The following RBFOX3 variants were observed in gnomAD, a reference collection of about 807,000 sequenced individuals.
The protein encoded by RBFOX3 is RNA binding fox-1 homolog 3.
In RBFOX3, 17 loss-of-function variants were observed where a neutral mutation model predicts 48.7. The observed-to-expected ratio is 0.35, with a 90% CI of 0.24 to 0.52. RBFOX3 has a LOEUF of 0.52. RBFOX3 is among the 20% of genes least tolerant of loss of function. RBFOX3 has a pLI of 0.94. For missense variants in RBFOX3, 382 were observed against 497.5 expected (o/e 0.77, Z 2.21); for synonymous variants, 212 against 209.5 (o/e 1.01, Z -0.10).
chr17:79,219,528 T>C (rs1280981255), intron 4 of RBFOX3, among the ~76,000 whole-genome samples: 3 of 152,108 alleles, frequency 2.0e-5, no homozygotes, highest in Non-Finnish European at 1.5e-5. Context: ...CCTTCCTGCT[T>C]GGCCTCGCCT....
chr17:79,284,577 C>T (rs1168258557), intron 3 of RBFOX3, among the ~76,000 whole-genome samples: 1 of 142,672 alleles, frequency 7.0e-6, no homozygotes, highest in African/African-American at 2.7e-5. Flanking sequence ...TGCTCTGTCA[C>T]CCAGCAGGCT....
intron 2 of RBFOX3, among the ~76,000 whole-genome samples, chr17:79,376,216 C>T (rs2059205298): frequency 6.6e-6 from 1 of 152,230 alleles, no homozygotes. Context: ...TCTCTGTCCA[C>T]TGGTCCCAGG....
chr17:79,253,771 T>C (rs1433260464), intron 3 of RBFOX3, among the ~76,000 whole-genome samples: 1 of 152,196 alleles, frequency 6.6e-6, no homozygotes, highest in Admixed American at 6.5e-5. Flanking sequence ...CCCCAGCTGC[T>C]GTTTGTTGAG....
intron 2 of RBFOX3, among the ~76,000 whole-genome samples, chr17:79,308,972 A>G (rs1435038193): frequency 3.9e-5 from 6 of 152,074 alleles, no homozygotes; most frequent in Non-Finnish European, 2.9e-5. Context: ...TACAAAAGTT[A>G]GCTGAGTGTG....
chr17:79,508,213 G>A (rs934959457), intron 1 of RBFOX3, among the ~76,000 whole-genome samples: 1 of 152,244 alleles, frequency 6.6e-6, no homozygotes, highest in Non-Finnish European at 1.5e-5. Flanking sequence ...CCGGTGGGCC[G>A]CTGGGAAGAG....
At chr17:79,286,604 C>T (rs952212393) in intron 3 of RBFOX3, among the ~76,000 whole-genome samples, 18 of 152,238 alleles carry the variant, frequency 1.2e-4, no homozygotes, top group African/African-American at 4.3e-4. Flanking sequence ...TACGCTGCGG[C>T]TCCCAGCCTC....
At chr17:79,251,173 G>C (rs1028121050) in intron 3 of RBFOX3, among the ~76,000 whole-genome samples, 27 of 151,932 alleles carry the variant, frequency 1.8e-4, no homozygotes, top group Non-Finnish European at 4.4e-5. Context: ...TCTGGTCCTA[G>C]CCACACACCC....
intron 2 of RBFOX3, among the ~76,000 whole-genome samples, chr17:79,357,043 C>T (rs1437311620): frequency 1.3e-5 from 2 of 152,206 alleles, no homozygotes; most frequent in Admixed American, 6.5e-5. Context: ...ACTGGGGAGC[C>T]GGTGCCCTCC....
chr17:79,274,476 T>A (rs2143932142), intron 3 of RBFOX3, among the ~76,000 whole-genome samples: 1 of 152,272 alleles, frequency 6.6e-6, no homozygotes, highest in East Asian at 1.9e-4. Flanking sequence ...AGGGAACTCC[T>A]TTGTCCTGCT....
At chr17:79,091,863 G>T in intron 14 of RBFOX3, 1 of 702,586 alleles carries the variant, frequency 1.4e-6, no homozygotes, top group Non-Finnish European at 1.7e-6. Flanking sequence ...TTCTGCTGCA[G>T]CAGTGCTAAG....
Position 79,398,641 on chromosome 17 carries a change from G to A in RBFOX3, c.-175+83813C>T, listed in dbSNP as rs189876885. The stretch of plus-strand genomic sequence containing the variant: ...TGCAGCGTACAGGGCGGCCTCCACC[G>A]TGGGCGACGATGCGGCTCCCACGTA... On this transcript the variant is annotated intron_variant, in intron 2 of 14. Transcript: ENST00000693108. 1.2e-3 allele frequency among the ~76,000 whole-genome samples: 180 copies of A among 152,356 alleles called. 1 individual carries two copies. The highest frequency in any genetic ancestry group is 0.01 in the Middle Eastern group (3 of 294).
intron 2 of RBFOX3, among the ~76,000 whole-genome samples, chr17:79,419,132 C>T (rs1436015161): frequency 6.6e-6 from 1 of 152,190 alleles, no homozygotes; most frequent in African/African-American, 2.4e-5. Flanking sequence ...CCCACGCCCC[C>T]TCCTCACCTC....
chr17:79,159,223 C>T lies in RBFOX3; in HGVS notation c.-33-43475G>A, dbSNP rs185378072. On this transcript the variant is annotated intron_variant, in intron 4 of 14. Coordinates refer to ENST00000693108, the MANE Select transcript of RBFOX3 (RefSeq NM_001350451.2). ...AATGCCCAGCACCAGGTGAGCTGAC[C>T]TGGGGGTGCCCATGTGTCCACTTAT... is the stretch of plus-strand genomic sequence containing the variant. Among the ~76,000 whole-genome samples, 840 of 152,338 alleles carry T rather than the reference C, an allele frequency of 5.5e-3. 5 individuals carry two copies. Among genetic ancestry groups the T allele is most frequent in the Non-Finnish European group, 8.9e-3 (602 of 68,016 alleles).
chr17:79,452,023 C>T (rs1382853075), intron 2 of RBFOX3, among the ~76,000 whole-genome samples: 1 of 152,190 alleles, frequency 6.6e-6, no homozygotes, highest in East Asian at 1.9e-4. Context: ...GGGCTTTACG[C>T]TATGTTCCCT....
At chr17:79,548,589 A>C (rs2143448063) in intron 1 of RBFOX3, among the ~76,000 whole-genome samples, 1 of 152,354 alleles carries the variant, frequency 6.6e-6, no homozygotes, top group Non-Finnish European at 1.5e-5. Flanking sequence ...AGGCAGCATC[A>C]GATGCTGGAG....
intron 2 of RBFOX3, among the ~76,000 whole-genome samples, chr17:79,422,964 G>A (rs1437568469): frequency 2.0e-5 from 3 of 152,102 alleles, no homozygotes; most frequent in Non-Finnish European, 2.9e-5. Context: ...CACAGAAAAG[G>A]CCACGTGAGG....
chr17:79,143,884 T>C (rs2042452470), intron 4 of RBFOX3, among the ~76,000 whole-genome samples: 1 of 152,204 alleles, frequency 6.6e-6, no homozygotes, highest in South Asian at 2.1e-4. Flanking sequence ...GACACCCCAG[T>C]GGAGGGTGCT....
intron 2 of RBFOX3, among the ~76,000 whole-genome samples, chr17:79,313,781 T>TG (rs2077170770): frequency 1.3e-5 from 2 of 151,918 alleles, no homozygotes; most frequent in Non-Finnish European, 2.9e-5. Flanking sequence ...TGCCTCGGGG[T>TG]GGGGGGCCGC....
intron 4 of RBFOX3, among the ~76,000 whole-genome samples, chr17:79,129,780 A>T (rs916282218): frequency 6.6e-6 from 1 of 152,234 alleles, no homozygotes; most frequent in Non-Finnish European, 1.5e-5. Flanking sequence ...CTGGTTCTAA[A>T]CTACCAGCCT....
Sources: allele counts gnomAD v4.1 joint callset (sites outside exome capture counted in the v4.1 genomes callset), GRCh38; gene constraint gnomAD v4.1.1; transcripts MANE v1.5; gene names NCBI Gene and HGNC (gene_info 2026-07-23, HGNC 2026-07-21).